Variants in RAB38 observed in about 807,000 individuals in gnomAD.
RAB38 encodes the protein ras-related protein Rab-38.
Under a neutral mutation model 18.4 loss-of-function variants are expected in RAB38, and 15 were observed. The observed-to-expected ratio is 0.82, with a 90% CI of 0.55 to 1.26. RAB38 has a LOEUF of 1.26. Ranked by LOEUF, RAB38 falls within the 50% of genes most tolerant of loss-of-function variation. RAB38 has a pLI of 0.00. For missense variants in RAB38, 294 were observed against 267.4 expected, an observed-to-expected ratio of 1.10 and a Z score of -0.69; for synonymous variants, 101 against 104.4, an observed-to-expected ratio of 0.97 and a Z score of 0.20.
At chr11:87,973,215 A>T in the RAB38 span, among the ~76,000 whole-genome samples, 1 of 152,094 alleles carries the variant, frequency 6.6e-6, no homozygotes, top group Non-Finnish European at 1.5e-5. Flanking sequence ...TAAACAAGCA[A>T]ATGATCATTT....
intron 1 of RAB38, 79 bp downstream of exon 1, chr11:88,175,104 T>C (rs1054286507): frequency 6.5e-5 from 92 of 1,419,142 alleles, no homozygotes; most frequent in Non-Finnish European, 8.5e-5. Flanking sequence ...ATCTCACGCT[T>C]GGCCGCAAGC....
the RAB38 span, among the ~76,000 whole-genome samples, chr11:88,045,048 C>A: frequency 6.6e-6 from 1 of 152,284 alleles, no homozygotes; most frequent in East Asian, 1.9e-4. Context: ...TGACCTCTCC[C>A]AAAATCAGTT....
chr11:87,850,714 C>CCACACACA, the RAB38 span, among the ~76,000 whole-genome samples: 1,902 of 146,488 alleles, frequency 0.013, 36 homozygotes, highest in African/African-American at 0.043. Context: ...CACAACACTG[C>CCACACACA]CACACACACA....
downstream of RAB38, among the ~76,000 whole-genome samples, chr11:88,111,288 A>G (rs1942469877): frequency 6.6e-6 from 1 of 151,954 alleles, no homozygotes. Context: ...AGTGAATCCC[A>G]TGAGTTCCAG....
chr11:88,067,553 G>T, the RAB38 span, among the ~76,000 whole-genome samples: 2 of 152,192 alleles, frequency 1.3e-5, no homozygotes, highest in Non-Finnish European at 2.9e-5. Context: ...AAGACATTAA[G>T]CTTGGTGCTT....
At chr11:87,960,388 G>GAAAAAAAAAAAAAAAAA in the RAB38 span, among the ~76,000 whole-genome samples, 1 of 142,114 alleles carries the variant, frequency 7.0e-6, no homozygotes, top group Non-Finnish European at 1.5e-5. Flanking sequence ...ACAAAAAAAA[G>GAAAAAAAAAAAAAAAAA]AAAAAAAGAG....
chr11:87,884,724 C>G, the RAB38 span, among the ~76,000 whole-genome samples: 1 of 151,872 alleles, frequency 6.6e-6, no homozygotes, highest in Non-Finnish European at 1.5e-5. Flanking sequence ...AAAGGGATAT[C>G]AAAATCAGTT....
the RAB38 span, among the ~76,000 whole-genome samples, chr11:87,927,261 A>G: frequency 3.3e-4 from 50 of 152,196 alleles, no homozygotes; most frequent in African/African-American, 7.5e-4. Flanking sequence ...ACACCCCAGT[A>G]TTCAGAAGGG....
At chr11:88,053,286 AAT>A in the RAB38 span, among the ~76,000 whole-genome samples, 11 of 52,450 alleles carry the variant, frequency 2.1e-4, 1 homozygote, top group African/African-American at 4.0e-4. Flanking sequence ...ATATATATGG[AAT>A]ATATATATAC....
At chr11:88,039,779 T>C in the RAB38 span, among the ~76,000 whole-genome samples, 15 of 152,166 alleles carry the variant, frequency 9.9e-5, no homozygotes, top group African/African-American at 3.4e-4. Flanking sequence ...GCACAGTGAC[T>C]GGGCCTTAAA....
At chr11:88,043,777 G>A in the RAB38 span, among the ~76,000 whole-genome samples, 2 of 152,182 alleles carry the variant, frequency 1.3e-5, no homozygotes, top group African/African-American at 4.8e-5. Flanking sequence ...CTGTTTGGTG[G>A]TCTCTTCACA....
chr11:88,167,602 T>C (rs951105862), intron 1 of RAB38: 2 of 152,024 alleles, frequency 1.3e-5, no homozygotes, highest in African/African-American at 4.8e-5. Context: ...TTTTATAAGG[T>C]AGAAAAGACA....
chr11:87,977,654 A>T, the RAB38 span, among the ~76,000 whole-genome samples: 21 of 117,854 alleles, frequency 1.8e-4, no homozygotes, highest in Non-Finnish European at 2.3e-4. Flanking sequence ...TAAATTATAC[A>T]GTATATAACT....
chr11:87,852,715 T>C, the RAB38 span, among the ~76,000 whole-genome samples: 1 of 152,202 alleles, frequency 6.6e-6, no homozygotes, highest in Non-Finnish European at 1.5e-5. Flanking sequence ...AGAAATACGA[T>C]GGTTTACATA....
chr11:87,930,218 C>T, the RAB38 span, among the ~76,000 whole-genome samples: 1 of 152,300 alleles, frequency 6.6e-6, no homozygotes, highest in Middle Eastern at 3.4e-3. Flanking sequence ...ACATCCTCTC[C>T]AGCATCTGTT....
the RAB38 span, among the ~76,000 whole-genome samples, chr11:87,856,241 G>C: frequency 6.6e-6 from 1 of 152,100 alleles, no homozygotes; most frequent in African/African-American, 2.4e-5. Flanking sequence ...AAGCAGTGTG[G>C]TCCACTTCCA....
the RAB38 span, among the ~76,000 whole-genome samples, chr11:87,927,306 A>T: frequency 6.6e-6 from 1 of 152,084 alleles, no homozygotes; most frequent in Non-Finnish European, 1.5e-5. Context: ...TATAGGCTTG[A>T]TAAATAAAAG....
the RAB38 span, among the ~76,000 whole-genome samples, chr11:87,847,955 C>G: frequency 0.029 from 4,445 of 152,078 alleles, 139 homozygotes; most frequent in African/African-American, 0.076. Context: ...CCAACAATTA[C>G]CAATTAAATA....
At chr11:87,953,319 G>T in the RAB38 span, among the ~76,000 whole-genome samples, 2 of 152,152 alleles carry the variant, frequency 1.3e-5, no homozygotes, top group African/African-American at 2.4e-5. Flanking sequence ...TAAGGAATAG[G>T]TGCTAGAGAG....
Sources: gnomAD v4.1 joint callset for allele counts (sites outside exome capture counted in the v4.1 genomes callset) on GRCh38, gnomAD v4.1.1 for gene constraint, MANE v1.5 for transcripts, NCBI Gene and HGNC (gene_info 2026-07-23, HGNC 2026-07-21) for gene names.